The following PES1 variants were observed in gnomAD, a reference collection of about 807,000 sequenced individuals.
PES1 encodes pescadillo ribosomal biogenesis factor 1, also known as pescadillo homolog.
In PES1, 31 loss-of-function variants were observed where a neutral mutation model predicts 77.1. The observed-to-expected ratio is 0.40, with a 90% CI of 0.30 to 0.54. The LOEUF (loss-of-function observed/expected upper bound fraction) is 0.54. PES1 is among the 20% of genes least tolerant of loss of function. PES1 has a pLI of 0.45. For missense variants in PES1, 658 were observed against 771.7 expected (o/e 0.85, Z 1.75); for synonymous variants, 282 against 303.0 (o/e 0.93, Z 0.72).
Position 30,591,875 on chromosome 22 carries a change from A to C in PES1, c.-42T>G. ...GCCGACTAGGGCCGCGCGTACAGGG[A>C]GCTCCACTTCCTCCCGCACGTGCCC... On this transcript the variant is annotated 5_prime_UTR_variant, in exon 1 of 15. Transcript: ENST00000354694. The C allele has an allele frequency of 1.3e-6, 2 of 1,537,266 alleles. No individual in the cohort carries two copies. Among genetic ancestry groups the C allele is most frequent in the East Asian group, 2.5e-5 (1 of 40,150 alleles).
intron 10 of PES1, 132 bp downstream of exon 10, chr22:30,580,439 G>T: frequency 7.8e-7 from 1 of 1,286,718 alleles, no homozygotes; most frequent in Non-Finnish European, 1.1e-6. Context: ...GCGGTGCCGA[G>T]CACTTTCCAC....
intron 6 of PES1, 110 bp downstream of exon 6, chr22:30,584,255 G>C: frequency 2.4e-6 from 2 of 842,920 alleles, no homozygotes; most frequent in Non-Finnish European, 3.9e-6. Flanking sequence ...ATCAACAGTT[G>C]GGAACCCAGC....
chr22:30,593,493 C>CA (rs745981792), upstream of PES1, among the ~76,000 whole-genome samples: 2,637 of 141,462 alleles, frequency 0.019, 33 homozygotes, highest in Non-Finnish European at 0.024. Context: ...GGCTCCATCT[C>CA]AAAAAAAAAA....
At chr22:30,596,215 G>A (rs1293318644), upstream of PES1, among the ~76,000 whole-genome samples, 1 of 152,098 alleles carries the variant, frequency 6.6e-6, no homozygotes. Flanking sequence ...TACTGGTGTT[G>A]AGATAAAACT....
At chr22:30,596,892 G>T (rs183771239), upstream of PES1, among the ~76,000 whole-genome samples, 9 of 152,320 alleles carry the variant, frequency 5.9e-5, no homozygotes, top group South Asian at 1.4e-3. Context: ...AGGGCTGTGC[G>T]CGGCGCTTGC....
At chr22:30,593,070 G>A (rs191331559), upstream of PES1, among the ~76,000 whole-genome samples, 28 of 152,102 alleles carry the variant, frequency 1.8e-4, no homozygotes, top group East Asian at 4.4e-3. Context: ...CCTGGCCCAA[G>A]GACTTGGTCT....
At chr22:30,581,129 G>A in intron 8 of PES1, 28 bp from the exon 9 acceptor site, 1 of 1,567,008 alleles carries the variant, frequency 6.4e-7, no homozygotes, top group Non-Finnish European at 8.7e-7. Flanking sequence ...GCTGCTTGCA[G>A]TGGGGGACCT....
At chr22:30,592,108 A>G, upstream of PES1, 1 of 1,277,888 alleles carries the variant, frequency 7.8e-7, no homozygotes, top group Non-Finnish European at 9.9e-7. Flanking sequence ...ACAAACGTGG[A>G]TATACAGGCT....
chr22:30,587,110 C>G, intron 4 of PES1, 176 bp downstream of exon 4: 1 of 589,426 alleles, frequency 1.7e-6, no homozygotes, highest in South Asian at 2.1e-5. Context: ...CCTGTAACTA[C>G]AAACCTCGTA....
chr22:30,592,436 G>C (rs1475722159), upstream of PES1: 1 of 983,894 alleles, frequency 1.0e-6, no homozygotes, highest in African/African-American at 1.7e-5. Flanking sequence ...TCCTCGCGGA[G>C]GTATAGAGAT....
chr22:30,606,875 T>TC (rs139175858), exon 1 of PES1: 21,359 of 1,035,064 alleles, frequency 0.021, 228 homozygotes, highest in Non-Finnish European at 0.023. Context: ...TACCAGGGGC[T>TC]CCTTTGGTAA....
At chr22:30,589,053 C>T (rs1416499290) in intron 2 of PES1, 138 bp downstream of exon 2, 2 of 631,682 alleles carry the variant, frequency 3.2e-6, no homozygotes, top group African/African-American at 3.7e-5. Context: ...ACACAACTCA[C>T]TAAAGCAAGG....
intron 2 of PES1, chr22:30,598,204 G>T (rs2057952): frequency 1 from 151,590 of 152,254 alleles, 75,464 homozygotes; most frequent in Middle Eastern, 1. Context: ...ACACTCACTG[G>T]GAAGGTCTAT....
chr22:30,584,609 C>G lies in PES1; in HGVS notation c.477G>C (p.Gln159His), dbSNP rs1569024278. 5 of 1,613,682 alleles carry G rather than the reference C, an allele frequency of 3.1e-6. No homozygotes were observed. Among genetic ancestry groups the G allele is most frequent in the Non-Finnish European group, 3.4e-6 (4 of 1,179,858 alleles). The change falls in exon 5 of 15, where the codon CAG becomes CAC. Residue 159 changes from glutamine to histidine, a missense_variant. Physicochemically the swap from Gln to His is conservative, Grantham distance 24. Transcript: ENST00000354694. ...RTGKCHVQTIQLCRRLTVEFM... is the reference protein window; with the variant it reads ...RTGKCHVQTIHLCRRLTVEFM... ...ACTCCACAGTGAGCCGGCGGCACAGCTGAATGGTCTGCACGTGGCACTTGC... is the reference window on the plus strand; with the variant it reads ...ACTCCACAGTGAGCCGGCGGCACAGGTGAATGGTCTGCACGTGGCACTTGC...
chr22:30,601,622 G>A (rs2087355544), intron 2 of PES1, among the ~76,000 whole-genome samples: 1 of 151,800 alleles, frequency 6.6e-6, no homozygotes. Flanking sequence ...CCTCATTCAT[G>A]TCTTTTTATG....
intron 2 of PES1, among the ~76,000 whole-genome samples, chr22:30,599,986 T>C (rs1423376744): frequency 6.6e-6 from 1 of 152,170 alleles, no homozygotes; most frequent in Non-Finnish European, 1.5e-5. Context: ...AAAATATTTA[T>C]GTTAAATTAA....
chr22:30,594,819 T>G (rs1194967563), upstream of PES1, among the ~76,000 whole-genome samples: 4 of 152,114 alleles, frequency 2.6e-5, no homozygotes, highest in East Asian at 7.7e-4. Flanking sequence ...AAGGAAAACT[T>G]ATTTTTAATT....
At chr22:30,593,088 TAC>T (rs1260281823), upstream of PES1, among the ~76,000 whole-genome samples, 22 of 152,212 alleles carry the variant, frequency 1.4e-4, 4 homozygotes, top group Admixed American at 1.3e-3. Context: ...TCTTAGAACT[TAC>T]ACAGAGACAG....
chr22:30,598,885 ATT>A (rs71200084), intron 2 of PES1, among the ~76,000 whole-genome samples: 81 of 51,194 alleles, frequency 1.6e-3, no homozygotes, highest in Admixed American at 4.4e-3. Flanking sequence ...CTTAAGTAAA[ATT>A]TTTTTTTTTT....
Sources: gnomAD v4.1 joint callset for allele counts (sites outside exome capture counted in the v4.1 genomes callset) on GRCh38, gnomAD v4.1.1 for gene constraint, MANE v1.5 for transcripts, NCBI Gene and HGNC (gene_info 2026-07-23, HGNC 2026-07-21) for gene names.